Variants in MDN1 observed in about 807,000 individuals in gnomAD.
MDN1 encodes midasin AAA ATPase 1, also known as midasin.
In MDN1, 266 loss-of-function variants were observed where a neutral mutation model predicts 669.2. The ratio of observed to expected loss-of-function variants is 0.40; its 90% CI spans 0.36 to 0.44. MDN1 has a LOEUF of 0.44. MDN1 is among the 20% of genes least tolerant of loss of function. The probability of loss-of-function intolerance (pLI) is 1.00; values close to 1 mark genes in which losing one functional copy is unlikely to be tolerated. For synonymous variants in MDN1, 2,385 were observed against 2,457.1 expected, an observed-to-expected ratio of 0.97 and a Z score of 0.87; for missense variants, 5,940 against 6,754.0, an observed-to-expected ratio of 0.88 and a Z score of 4.22.
intron 31 of MDN1, 72 bp from the exon 32 acceptor site, chr6:89,740,450 T>G (rs1816230688): frequency 1.5e-6 from 2 of 1,377,374 alleles, no homozygotes; most frequent in African/African-American, 3.1e-5. Context: ...CAATGCTCTT[T>G]AAAAGAAAAA....
At chr6:89,771,352 T>C (rs1016434422) in intron 15 of MDN1, among the ~76,000 whole-genome samples, 7 of 152,166 alleles carry the variant, frequency 4.6e-5, no homozygotes, top group Non-Finnish European at 1.0e-4. Context: ...TTAAAATTAC[T>C]TTCCTGTCTT....
intron 1 of MDN1, among the ~76,000 whole-genome samples, chr6:89,811,634 T>C (rs1178008326): frequency 6.6e-6 from 1 of 151,774 alleles, no homozygotes; most frequent in African/African-American, 2.4e-5. Context: ...TTAGTAGAGA[T>C]GGGGTTTCAC....
rs145643215 is a variant in MDN1 at position 89,762,434 on chromosome 6, C to T, written c.2241G>A (p.Thr747=). 2.2e-4 allele frequency: 355 copies of T among 1,613,978 alleles called. No individual in the cohort carries two copies. The African/African-American group carries it at 4.4e-3, about 20-fold the overall frequency. ...AACAGGTCTGAATGTGCCCCAAGAA[C>T]GTAAAGTTTTGTTTCTTGGAAAATG... The part of the protein sequence containing the change: ...AQTFSKKQNF[T]FLGHIQTCYR... Residue 747 remains threonine, a synonymous_variant, in exon 16 of 102, where the codon ACG becomes ACA. Coordinates refer to ENST00000369393, the MANE Select transcript of MDN1 (RefSeq NM_014611.3).
chr6:89,675,358 CAATTGAGAGCATGTCTT>C, intron 78 of MDN1, 89 bp downstream of exon 78: 5 of 914,786 alleles, frequency 5.5e-6, no homozygotes, highest in Non-Finnish European at 8.2e-6. Context: ...ATTCATTTCA[CAATTGAGAGCATGTCTT>C]ATTCCTCTCC....
rs138121580 is a variant in MDN1, at chr6:89,730,672, A to C, written c.5140+54T>G. 7.0e-4 allele frequency: 1,007 copies of C among 1,436,466 alleles called. 3 individuals carry two copies. The African/African-American group carries it at 0.013, about 18-fold the overall frequency. 89.0% of individuals were successfully genotyped at this position (1,436,466 alleles called of 1,614,324 possible). On this transcript the variant is annotated intron_variant, in intron 35 of 101. Transcript: ENST00000369393. ...TTAAAACTAAGTCACAATAAAAGCC[A>C]AGTATCTATGATCTATAGAAAAGGA...
chr6:89,801,740 G>A (rs992488624), intron 2 of MDN1, among the ~76,000 whole-genome samples: 6 of 151,524 alleles, frequency 4.0e-5, no homozygotes, highest in African/African-American at 1.2e-4. Flanking sequence ...GCTGCAATGA[G>A]CCAAGATTGT....
Position 89,740,306 on chromosome 6 carries a change from C to T in MDN1, c.4521G>A (p.Glu1507=). ...GAAATTTTTTCCCAGCAGTCAACAG[C>T]TCTATTTCACTATCCTTGTCCTCTG... ...GSPEDKDSEI[E]LLTAGKKFRI... Residue 1507 remains glutamate (E), a synonymous_variant, in exon 32 of 102, where the codon GAG becomes GAA. Transcript: ENST00000369393. 5 of 1,610,954 alleles carry T rather than the reference C, an allele frequency of 3.1e-6. No individual in the cohort carries two copies. Among genetic ancestry groups the T allele is most frequent in the South Asian group, 1.1e-5 (1 of 90,312 alleles).
In MDN1 at chr6:89,643,241, C is replaced by T. The variant is rs1808277826; in HGVS notation, c.*764G>A. ...TTAAGAAAAAAAAAAATGAACTAAA[C>T]AAATAAATTACTACAACAACAGGGA... On this transcript the variant is annotated 3_prime_UTR_variant, in exon 102 of 102. Coordinates refer to ENST00000369393, the MANE Select transcript of MDN1 (RefSeq NM_014611.3). 1 of 151,858 alleles carries T rather than the reference C, an allele frequency of 6.6e-6. No individual in the cohort carries two copies. The highest frequency in any genetic ancestry group is 2.4e-5 in the African/African-American group (1 of 41,346). The allele number at this position is 151,858 out of a possible 1,614,324, so 9.4% of individuals were successfully genotyped here.
In MDN1 at chr6:89,743,658, T is replaced by C. The variant is rs1584301882; in HGVS notation, c.4235A>G (p.Tyr1412Cys). ...CATGTGTAAGTGGCAGCTGACAGAG[T>C]ATAATTTCTGATTTGCCAAGGCTGC... ...VFAALANQKL[Y>C]SVSCHLHMET... Residue 1412 changes from tyrosine (Y) to cysteine (C), a missense_variant, in exon 30 of 102, where the codon TAC becomes TGC. Physicochemically the swap from Tyr to Cys is radical, Grantham distance 194. This residue lies in a region of MDN1 where 2,292 missense variants were observed against 2,638.3 expected (regional missense o/e 0.87). Coordinates refer to ENST00000369393, the MANE Select transcript of MDN1 (RefSeq NM_014611.3). 6.8e-6 allele frequency: 11 copies of C among 1,613,910 alleles called. No individual in the cohort carries two copies. The highest frequency in any genetic ancestry group is 9.3e-6 in the Non-Finnish European group (11 of 1,179,930).
chr6:89,730,830 G>C lies in MDN1; in HGVS notation c.5036C>G (p.Thr1679Arg), dbSNP rs1322127153. The change falls in exon 35 of 102, where the codon ACA (threonine) becomes AGA (arginine). Residue 1679 changes from threonine to arginine, a missense_variant. Around this residue, in one of 5 missense-constraint regions of MDN1, gnomAD observed 2,292 missense variants for 2,638.3 expected, o/e 0.87. Coordinates refer to ENST00000369393, the MANE Select transcript of MDN1 (RefSeq NM_014611.3). ...IKRLAKIVRL[T>R]EYQKNELKIY... ...CTTCAACTCATTTTTCTGATATTCT[G>C]TAAGTCGTACTATCTTGGCAAGCCT... 2 of 1,613,936 alleles carry C rather than the reference G, an allele frequency of 1.2e-6. No homozygotes were observed. Among genetic ancestry groups the C allele is most frequent in the Non-Finnish European group, 8.5e-7 (1 of 1,179,944 alleles).
In MDN1 at chr6:89,698,897, C is replaced by T; in HGVS notation, c.9136G>A (p.Ala3046Thr). 1 of 1,614,100 alleles carries T rather than the reference C, an allele frequency of 6.2e-7. No individual in the cohort carries two copies. The highest frequency in any genetic ancestry group is 8.5e-7 in the Non-Finnish European group (1 of 1,180,006). Residue 3046 changes from alanine (A) to threonine (T), a missense_variant, in exon 59 of 102, where the codon GCA (alanine) becomes ACA (threonine). Around this residue, in one of 5 missense-constraint regions of MDN1, gnomAD observed 2,292 missense variants for 2,638.3 expected, o/e 0.87. Coordinates refer to ENST00000369393, the MANE Select transcript of MDN1 (RefSeq NM_014611.3). ...NPLPGMQQRE[A>T]PKSVLDSTLK... ...GTGGAGTCCAAAACAGACTTGGGTGCCTCCCTCTGCTGCATACCAGGCAAA... is the reference window on the plus strand; with the variant it reads ...GTGGAGTCCAAAACAGACTTGGGTGTCTCCCTCTGCTGCATACCAGGCAAA...
At chr6:89,727,599 A>G (rs908151126) in intron 37 of MDN1, among the ~76,000 whole-genome samples, 3 of 152,230 alleles carry the variant, frequency 2.0e-5, no homozygotes, top group South Asian at 2.1e-4. Flanking sequence ...CCTCTGAAGG[A>G]TAACTTTAAA....
At chr6:89,663,053 G>A (rs1195877568) in intron 85 of MDN1, 86 bp from the exon 86 acceptor site, 1 of 1,464,758 alleles carries the variant, frequency 6.8e-7, no homozygotes, top group Admixed American at 1.8e-5. Context: ...CGCTTCCCTA[G>A]CAAGGGCCCC....
intron 8 of MDN1, among the ~76,000 whole-genome samples, chr6:89,786,375 G>C (rs985550222): frequency 6.6e-6 from 1 of 152,060 alleles, no homozygotes; most frequent in African/African-American, 2.4e-5. Context: ...AGGACTGCTC[G>C]AGTCCAGGAG....
intron 43 of MDN1, 68 bp from the exon 44 acceptor site, chr6:89,716,877 A>G: frequency 6.9e-7 from 1 of 1,453,534 alleles, no homozygotes; most frequent in Non-Finnish European, 9.1e-7. Flanking sequence ...AAGTTTATGA[A>G]AAGGAAGCTT....
chr6:89,696,331 T>G (rs1288926657), intron 60 of MDN1, 29 bp downstream of exon 60: 1 of 1,606,102 alleles, frequency 6.2e-7, no homozygotes, highest in Non-Finnish European at 8.5e-7. Context: ...ACAGGAACTT[T>G]ACAGTCTGCT....
At chr6:89,757,145 T>A (rs1410367388) in intron 19 of MDN1, among the ~76,000 whole-genome samples, 2 of 152,212 alleles carry the variant, frequency 1.3e-5, no homozygotes, top group Non-Finnish European at 1.5e-5. Flanking sequence ...ATAAAGTTAC[T>A]ATTTTAAAAT....
At chr6:89,680,444 G>A (rs1325917887) in intron 74 of MDN1, 145 bp downstream of exon 74, 2 of 912,478 alleles carry the variant, frequency 2.2e-6, no homozygotes, top group Non-Finnish European at 3.2e-6. Context: ...GAGCTCTGTG[G>A]GTTTTTAAGC....
chr6:89,801,591 A>C (rs1447308417), intron 2 of MDN1, among the ~76,000 whole-genome samples: 2 of 152,074 alleles, frequency 1.3e-5, no homozygotes, highest in Non-Finnish European at 2.9e-5. Flanking sequence ...CAGAGGTTAC[A>C]GTGAGCCAAG....
Sources: gnomAD v4.1 joint callset for allele counts (sites outside exome capture counted in the v4.1 genomes callset) on GRCh38, gnomAD v4.1.1 for gene constraint, gnomAD v4.1.1 regional missense constraint, MANE v1.5 for transcripts, NCBI Gene and HGNC (gene_info 2026-07-23, HGNC 2026-07-21) for gene names.